CEP57: variants seen among roughly 807,000 people sequenced by gnomAD.
CEP57 encodes the protein centrosomal protein 57, also known as centrosomal protein of 57 kDa.
In CEP57, 40 loss-of-function variants were observed where a neutral mutation model predicts 68.0. The observed-to-expected ratio is 0.59, with a 90% confidence interval of 0.46 to 0.77. The LOEUF is 0.77. CEP57 is among the 30% of genes least tolerant of loss of function. The pLI, the probability that CEP57 is intolerant of heterozygous loss-of-function variation, is 0.00. For synonymous variants in CEP57, 219 were observed against 198.7 expected (o/e 1.10, Z -0.86); for missense variants, 606 against 580.7 (o/e 1.04, Z -0.45).
chr11:95,819,314 C>T (rs910291888), intron 6 of CEP57, among the ~76,000 whole-genome samples: 2 of 152,082 alleles, frequency 1.3e-5, no homozygotes, highest in Non-Finnish European at 2.9e-5. Context: ...AGTGGGATGC[C>T]CCAATAGCTA....
At chr11:95,804,003 A>C (rs561673933) in intron 2 of CEP57, among the ~76,000 whole-genome samples, 1 of 152,302 alleles carries the variant, frequency 6.6e-6, no homozygotes, top group East Asian at 1.9e-4. Context: ...GATGTGTGCT[A>C]TACTTCATAT....
intron 2 of CEP57, among the ~76,000 whole-genome samples, chr11:95,804,505 G>C (rs918475564): frequency 1.3e-5 from 2 of 152,134 alleles, no homozygotes; most frequent in South Asian, 2.1e-4. Flanking sequence ...AGGCGCCCCT[G>C]AGGCAACTTC....
At chr11:95,828,982 C>CT (rs1051829048) in intron 9 of CEP57, among the ~76,000 whole-genome samples, 3 of 150,958 alleles carry the variant, frequency 2.0e-5, no homozygotes, top group African/African-American at 7.3e-5. Flanking sequence ...GCAGAGCTTG[C>CT]TGTGAGCCGA....
At chr11:95,790,889 C>T (rs1861010749) in intron 1 of CEP57, 146 bp downstream of exon 1, 1 of 949,714 alleles carries the variant, frequency 1.1e-6, no homozygotes, top group Non-Finnish European at 1.6e-6. Context: ...GCTCCCCAAG[C>T]TTCCATTCAC....
chr11:95,817,381 A>G (rs557435965), intron 4 of CEP57, among the ~76,000 whole-genome samples: 19 of 152,290 alleles, frequency 1.2e-4, no homozygotes, highest in African/African-American at 4.6e-4. Context: ...TAAAAAAAGT[A>G]TAAAAGGATA....
intron 2 of CEP57, among the ~76,000 whole-genome samples, chr11:95,812,684 C>T (rs1365298265): frequency 6.6e-6 from 1 of 152,134 alleles, no homozygotes; most frequent in Admixed American, 6.5e-5. Flanking sequence ...AGGTGATCCA[C>T]CCACCTCAGC....
chr11:95,828,959 G>A lies in CEP57; in HGVS notation c.1128-228G>A, dbSNP rs186814713. Among the ~76,000 whole-genome samples, 949 of 151,340 alleles carry A rather than the reference G, an allele frequency of 6.3e-3. 15 individuals carry two copies. The highest frequency in any genetic ancestry group is 0.035 in the South Asian group (165 of 4,772). Reference sequence around the variant, plus strand: ...CGGGAGGCTGAGGCAGGAGAATGGCGTGAACCCGGGAGGCAGAGCTTGCTG... The same window carrying A: ...CGGGAGGCTGAGGCAGGAGAATGGCATGAACCCGGGAGGCAGAGCTTGCTG... On this transcript the variant is annotated intron_variant, in intron 9 of 10. Coordinates refer to ENST00000325542, the MANE Select transcript of CEP57 (RefSeq NM_014679.5).
intron 9 of CEP57, among the ~76,000 whole-genome samples, chr11:95,828,491 A>G (rs184291289): frequency 6.6e-6 from 1 of 152,330 alleles, no homozygotes; most frequent in Non-Finnish European, 1.5e-5. Flanking sequence ...ATCTAGGTAG[A>G]GTAAAAATAT....
chr11:95,793,531 A>T (rs556621627), intron 1 of CEP57, among the ~76,000 whole-genome samples: 86 of 136,256 alleles, frequency 6.3e-4, no homozygotes, highest in African/African-American at 2.6e-3. Flanking sequence ...GAATAATAAA[A>T]TGAATACCTT....
At position 95,827,934 on chromosome 11, in the gene CEP57, A is replaced by G; in HGVS notation, c.1034A>G (p.Lys345Arg). 1 of 1,614,136 alleles carries G rather than the reference A, an allele frequency of 6.2e-7. No individual in the cohort carries two copies. The highest frequency in any genetic ancestry group is 8.5e-7 in the Non-Finnish European group (1 of 1,180,016). Residue 345 changes from lysine (K) to arginine (R), a missense_variant, in exon 9 of 11, where the codon AAG becomes AGG. Transcript: ENST00000325542. Reference protein sequence around the residue: ...QVSSRGGKSKKLSVTPPSSNG... With the variant: ...QVSSRGGKSKRLSVTPPSSNG... ...TCTTCACGAGGTGGTAAAAGTAAGA[A>G]GTTGTCAGTAACACCTCCCTCCTCC...
At chr11:95,813,761 A>G (rs1862179412) in intron 4 of CEP57, among the ~76,000 whole-genome samples, 172 bp downstream of exon 4, 1 of 152,104 alleles carries the variant, frequency 6.6e-6, no homozygotes, top group South Asian at 2.1e-4. Context: ...TCTTGTTGTT[A>G]TTGTTGTGTT....
intron 4 of CEP57, among the ~76,000 whole-genome samples, chr11:95,815,927 C>T (rs954768044): frequency 3.3e-5 from 5 of 152,144 alleles, no homozygotes; most frequent in African/African-American, 1.2e-4. Context: ...CCAATATTGC[C>T]TTGTGTGATA....
rs117053727 is a variant in CEP57 at position 95,792,792 on chromosome 11, T to C, written c.45+2049T>C. Among the ~76,000 whole-genome samples the C allele has an allele frequency of 5.9e-3, 893 of 152,326 alleles. 4 individuals carry two copies. Among genetic ancestry groups the C allele is most frequent in the Non-Finnish European group, 8.5e-3 (577 of 68,032 alleles). On this transcript the variant is annotated intron_variant, in intron 1 of 10. Transcript: ENST00000325542. ...TTTCTCAAAACAAAAATGACTAAATTTAGTTGGTTTCTTGGTGCGTAAGAA... is the reference window on the plus strand; with the variant it reads ...TTTCTCAAAACAAAAATGACTAAATCTAGTTGGTTTCTTGGTGCGTAAGAA...
chr11:95,821,892 A>G lies in CEP57; in HGVS notation c.721A>G (p.Asn241Asp). The change falls in exon 7 of 11, where the codon AAT becomes GAT. Residue 241 changes from asparagine to aspartate, a missense_variant. Asn to Asp is a conservative substitution (Grantham distance 23, BLOSUM62 1). Transcript: ENST00000325542. ...CTAGTTGCAGACTGGTCTAGAAACA[A>G]ATAGACTTATCTTTGAAGATAAGGC... ...AAELQTGLET[N>D]RLIFEDKATP... is the part of the protein sequence containing the mutation. 1 of 1,611,966 alleles carries G rather than the reference A, an allele frequency of 6.2e-7. No homozygotes were observed.
At chr11:95,820,736 TACTC>T (rs1358371119) in intron 6 of CEP57, among the ~76,000 whole-genome samples, 1 of 152,128 alleles carries the variant, frequency 6.6e-6, no homozygotes, top group African/African-American at 2.4e-5. Flanking sequence ...GAAGTTAAAA[TACTC>T]AAAAAAAAGT....
intron 9 of CEP57, among the ~76,000 whole-genome samples, chr11:95,828,796 C>T (rs530485641): frequency 1.3e-5 from 2 of 152,226 alleles, no homozygotes; most frequent in African/African-American, 4.8e-5. Context: ...GGCATGGTGG[C>T]TCACACCTGT....
At chr11:95,829,693 T>C (rs1443539343) in intron 10 of CEP57, among the ~76,000 whole-genome samples, 1 of 152,202 alleles carries the variant, frequency 6.6e-6, no homozygotes, top group African/African-American at 2.4e-5. Flanking sequence ...ATGTGAAATA[T>C]ATTTATGTTG....
chr11:95,824,025 C>T (rs1862628895), intron 8 of CEP57, among the ~76,000 whole-genome samples: 2 of 146,764 alleles, frequency 1.4e-5, no homozygotes, highest in African/African-American at 2.5e-5. Flanking sequence ...TCTGCAGCTG[C>T]GGTTGTCCAC....
chr11:95,829,132 C>T, intron 9 of CEP57, 55 bp from the exon 10 acceptor site: 2 of 1,590,698 alleles, frequency 1.3e-6, no homozygotes, highest in Non-Finnish European at 1.7e-6. Context: ...GTATAATAGA[C>T]CTAACCATGA....
Sources: allele counts gnomAD v4.1 joint callset (sites outside exome capture counted in the v4.1 genomes callset), GRCh38; gene constraint gnomAD v4.1.1; transcripts MANE v1.5; gene names NCBI Gene and HGNC (gene_info 2026-07-23, HGNC 2026-07-21).